FHIT: variants seen among roughly 807,000 people sequenced by gnomAD.
The protein encoded by FHIT is fragile histidine triad diadenosine triphosphatase, also known as bis(5'-adenosyl)-triphosphatase.
In FHIT, 19 loss-of-function variants were observed where a neutral mutation model predicts 17.9. The observed-to-expected ratio is 1.06, with a 90% CI of 0.74 to 1.56. The LOEUF (loss-of-function observed/expected upper bound fraction) is 1.56, where lower values mean the gene tolerates loss of function less well. FHIT is among the 40% of genes most tolerant of loss of function. The pLI, the probability that FHIT is intolerant of heterozygous loss-of-function variation, is 0.00. For missense variants in FHIT, 248 were observed against 189.2 expected (o/e 1.31, Z -1.82); for synonymous variants, 81 against 69.7 (o/e 1.16, Z -0.81).
intron 4 of FHIT, among the ~76,000 whole-genome samples, chr3:60,583,735 T>C (rs1275085619): frequency 6.6e-6 from 1 of 152,096 alleles, no homozygotes; most frequent in African/African-American, 2.4e-5. Flanking sequence ...AGGTGTCCTG[T>C]ATTCATTTGC....
At chr3:60,265,700 G>C (rs1314473393) in intron 5 of FHIT, among the ~76,000 whole-genome samples, 1 of 151,896 alleles carries the variant, frequency 6.6e-6, no homozygotes, top group Non-Finnish European at 1.5e-5. Flanking sequence ...CTTGTATCTA[G>C]AATATATAAA....
rs199530148 is a variant in FHIT, at chr3:59,768,379, G to GAGTT, written c.349-16062_349-16059dup. 6.1e-3 allele frequency among the ~76,000 whole-genome samples: 923 copies of GAGTT among 152,226 alleles called. 1 individual carries two copies. Among genetic ancestry groups the GAGTT allele is most frequent in the Non-Finnish European group, 9.7e-3 (659 of 68,018 alleles). On this transcript the variant is annotated intron_variant, in intron 8 of 9. Transcript: ENST00000492590. Reference sequence around the variant, plus strand: ...TCCTGTTTCCATCTCATGTGAGTAGGAGTTATTCTTTAAACAACTGCCTTG... The same window carrying GAGTT: ...TCCTGTTTCCATCTCATGTGAGTAGGAGTTAGTTATTCTTTAAACAACTGCCTTG...
intron 5 of FHIT, among the ~76,000 whole-genome samples, chr3:60,064,513 T>C (rs967905657): frequency 5.9e-5 from 9 of 152,184 alleles, no homozygotes; most frequent in Non-Finnish European, 1.3e-4. Flanking sequence ...TAAACAGTCA[T>C]TGTATCATCC....
chr3:60,037,901 A>G (rs1479882622), intron 5 of FHIT, among the ~76,000 whole-genome samples: 1 of 151,958 alleles, frequency 6.6e-6, no homozygotes, highest in African/African-American at 2.4e-5. Context: ...TTTAGTAGAG[A>G]CAGGGTTTCA....
chr3:60,971,428 G>T (rs1053141208), intron 3 of FHIT, among the ~76,000 whole-genome samples: 2 of 152,058 alleles, frequency 1.3e-5, no homozygotes, highest in Admixed American at 1.3e-4. Flanking sequence ...CATTTTTATA[G>T]GTATTTTGAA....
At chr3:60,836,887 A>T (rs1160421581) in intron 3 of FHIT, among the ~76,000 whole-genome samples, 5 of 152,166 alleles carry the variant, frequency 3.3e-5, no homozygotes, top group Admixed American at 3.3e-4. Context: ...CTTGGGTCTC[A>T]GTCTACCTGG....
chr3:60,604,208 G>C (rs1234574445), intron 4 of FHIT, among the ~76,000 whole-genome samples: 3 of 152,082 alleles, frequency 2.0e-5, no homozygotes, highest in Non-Finnish European at 2.9e-5. Flanking sequence ...TGTGTAGAGA[G>C]AAAACATAAA....
intron 8 of FHIT, among the ~76,000 whole-genome samples, chr3:59,884,927 C>T (rs1260276982): frequency 6.6e-6 from 1 of 152,178 alleles, no homozygotes; most frequent in Non-Finnish European, 1.5e-5. Context: ...TAGTTTATAA[C>T]TGTAACATTT....
At chr3:59,862,814 A>G (rs936279508) in intron 8 of FHIT, among the ~76,000 whole-genome samples, 2 of 152,172 alleles carry the variant, frequency 1.3e-5, no homozygotes, top group Admixed American at 1.3e-4. Context: ...CACTATAGAT[A>G]CGTTTCCCAG....
intron 5 of FHIT, among the ~76,000 whole-genome samples, chr3:60,208,429 TA>T (rs1472697345): frequency 3.3e-5 from 5 of 152,204 alleles, no homozygotes; most frequent in Non-Finnish European, 7.3e-5. Flanking sequence ...AAGCATCATA[TA>T]AAAGTCAAAC....
At chr3:60,635,548 T>G (rs1269783518) in intron 4 of FHIT, among the ~76,000 whole-genome samples, 1 of 152,224 alleles carries the variant, frequency 6.6e-6, no homozygotes, top group African/African-American at 2.4e-5. Flanking sequence ...GTCATCTATT[T>G]GTGTGTATGT....
chr3:60,374,925 T>A (rs1056669326), intron 5 of FHIT, among the ~76,000 whole-genome samples: 2 of 151,886 alleles, frequency 1.3e-5, no homozygotes, highest in African/African-American at 2.4e-5. Context: ...AAATTAAGAA[T>A]AAGAAACAGG....
At chr3:59,888,558 T>C (rs1403358209) in intron 8 of FHIT, among the ~76,000 whole-genome samples, 1 of 152,166 alleles carries the variant, frequency 6.6e-6, no homozygotes, top group South Asian at 2.1e-4. Flanking sequence ...CAGTGAAATA[T>C]ATGGGAAAAA....
chr3:60,363,830 T>G (rs903049350), intron 5 of FHIT, among the ~76,000 whole-genome samples: 1 of 152,070 alleles, frequency 6.6e-6, no homozygotes, highest in Non-Finnish European at 1.5e-5. Context: ...GGAAGAACAG[T>G]TCAGGATATT....
chr3:60,862,830 C>T (rs1000983352), intron 3 of FHIT, among the ~76,000 whole-genome samples: 12 of 144,116 alleles, frequency 8.3e-5, no homozygotes, highest in Admixed American at 2.2e-4. Context: ...CCAGCTTGGG[C>T]GACAGAGTGA....
At chr3:59,813,741 C>G (rs1418785538) in intron 8 of FHIT, among the ~76,000 whole-genome samples, 1 of 152,038 alleles carries the variant, frequency 6.6e-6, no homozygotes, top group Non-Finnish European at 1.5e-5. Flanking sequence ...GGTCAGGGAC[C>G]CAAGTATGCC....
intron 3 of FHIT, among the ~76,000 whole-genome samples, chr3:60,922,885 C>T (rs1388996301): frequency 2.6e-5 from 4 of 152,220 alleles, no homozygotes; most frequent in Admixed American, 6.5e-5. Flanking sequence ...ACAGTCAATA[C>T]ATGTACAATT....
chr3:60,637,644 TATC>T (rs1350131016), intron 4 of FHIT, among the ~76,000 whole-genome samples: 1 of 152,228 alleles, frequency 6.6e-6, no homozygotes, highest in Admixed American at 6.5e-5. Context: ...TTATTTCAAT[TATC>T]ATTCCCATTT....
chr3:60,597,370 T>A (rs2038303897), intron 4 of FHIT, among the ~76,000 whole-genome samples: 1 of 152,092 alleles, frequency 6.6e-6, no homozygotes, highest in Admixed American at 6.6e-5. Context: ...GCATTGTTAT[T>A]TTATAGATTT....
Sources: gnomAD v4.1 joint callset for allele counts (sites outside exome capture counted in the v4.1 genomes callset) on GRCh38, gnomAD v4.1.1 for gene constraint, MANE v1.5 for transcripts, NCBI Gene and HGNC (gene_info 2026-07-23, HGNC 2026-07-21) for gene names.